The following HOXA3 variants were observed in gnomAD, a reference collection of about 807,000 sequenced individuals.
HOXA3 encodes the protein homeobox A3, also known as homeobox protein Hox-A3.
Under a neutral mutation model 30.3 loss-of-function variants are expected in HOXA3, and 8 were observed. That is an observed-to-expected ratio of 0.26 (90% CI 0.15 to 0.48). The LOEUF is 0.48. HOXA3 is among the 20% of genes least tolerant of loss of function. HOXA3 has a pLI of 0.99. For missense variants in HOXA3, 653 were observed against 614.4 expected, an observed-to-expected ratio of 1.06 and a Z score of -0.66; for synonymous variants, 323 against 273.1, an observed-to-expected ratio of 1.18 and a Z score of -1.80.
chr7:27,113,805 C>G lies in HOXA3; in HGVS notation c.-120-3045G>C, dbSNP rs1043859621. ...CGGTCACCGCCGCGCAGAGCGTGGCCGCCTCGCTGCTCCAGCACGGCTCGC... is the reference window on the plus strand; with the variant it reads ...CGGTCACCGCCGCGCAGAGCGTGGCGGCCTCGCTGCTCCAGCACGGCTCGC... On this transcript the variant is annotated intron_variant, in intron 4 of 5. Coordinates refer to ENST00000612286, the MANE Select transcript of HOXA3 (RefSeq NM_153631.3). This position sits in a 1 kb window ranked among gnomAD's most constrained non-coding sequence, Gnocchi z 4.8. 1 of 152,060 alleles carries G rather than the reference C, an allele frequency of 6.6e-6. No individual in the cohort carries two copies. The highest frequency in any genetic ancestry group is 1.5e-5 in the Non-Finnish European group (1 of 68,008). 9.4% of individuals were successfully genotyped at this position (152,060 alleles called of 1,614,324 possible). A position where few individuals can be genotyped will look rare whatever the true frequency, so the allele number is the denominator to read the frequency against.
At position 27,110,368 on chromosome 7, in the gene HOXA3, G is replaced by T. The variant is rs1377277486; in HGVS notation, c.273C>A (p.His91Gln). The T allele has an allele frequency of 1.3e-6, 2 of 1,514,542 alleles. No individual in the cohort carries two copies. Among genetic ancestry groups the T allele is most frequent in the Admixed American group, 4.2e-5 (2 of 48,018 alleles). The allele number at this position is 1,514,542 out of a possible 1,614,324, so 93.8% of individuals were successfully genotyped here. ...QPPSLGEPPLHPPPPQAAPPA... is the reference protein window; with the variant it reads ...QPPSLGEPPLQPPPPQAAPPA... ...GGGGCGCGGCCTGGGGCGGCGGCGG[G>T]TGCAGGGGCGGCTCTCCCAGGCTTG... Residue 91 changes from histidine to glutamine, a missense_variant, in exon 5 of 6, where the codon CAC (histidine) becomes CAA (glutamine). Physicochemically the swap from His to Gln is conservative, Grantham distance 24. Around this residue, in one of 3 missense-constraint regions of HOXA3, gnomAD observed 320 missense variants for 321.9 expected, o/e 0.99. Coordinates refer to ENST00000612286, the MANE Select transcript of HOXA3 (RefSeq NM_153631.3).
At chr7:27,146,874 T>C (rs999869908) in intron 1 of HOXA3, among the ~76,000 whole-genome samples, 19 of 152,204 alleles carry the variant, frequency 1.2e-4, no homozygotes, top group Admixed American at 1.2e-3. Context: ...CACCTCTCTG[T>C]ACGGGTTTCT....
chr7:27,130,267 C>G, intron 2 of HOXA3: 1 of 1,155,748 alleles, frequency 8.7e-7, no homozygotes, highest in South Asian at 3.9e-5. Flanking sequence ...CGCCTCGCAG[C>G]GCCGCGGGGC....
intron 1 of HOXA3, chr7:27,142,694 C>T: frequency 3.4e-6 from 1 of 291,282 alleles, no homozygotes; most frequent in East Asian, 6.0e-5. Context: ...CCGTGACAAG[C>T]CCGATTCACG....
chr7:27,138,231 A>T (rs1785772763), intron 2 of HOXA3, among the ~76,000 whole-genome samples: 1 of 152,200 alleles, frequency 6.6e-6, no homozygotes, highest in African/African-American at 2.4e-5. Flanking sequence ...TGACTTCAGG[A>T]TTCTTCACCT....
At chr7:27,146,055 C>T (rs766294697) in intron 1 of HOXA3, 2 of 968,110 alleles carry the variant, frequency 2.1e-6, no homozygotes, top group Non-Finnish European at 3.0e-6. Context: ...TGTCTGGGGC[C>T]CAAAGCATAC....
chr7:27,121,641 G>A (rs941281277), intron 4 of HOXA3, among the ~76,000 whole-genome samples: 3 of 152,138 alleles, frequency 2.0e-5, no homozygotes, highest in African/African-American at 4.8e-5. Flanking sequence ...CTATTTGGGA[G>A]CAAATTTAAG....
At position 27,146,571 on chromosome 7, in the gene HOXA3, T is replaced by C. The variant is rs184571487; in HGVS notation, c.-494+5717A>G. Among the ~76,000 whole-genome samples, 1,492 of 152,124 alleles carry C rather than the reference T, an allele frequency of 9.8e-3. 30 individuals are homozygous for C. The highest frequency in any genetic ancestry group is 0.019 in the Admixed American group (297 of 15,292). On this transcript the variant is annotated intron_variant, in intron 1 of 5. Transcript: ENST00000612286. ...GGAGTCTTTGGGATTCCCTGTGGAG[T>C]CCTTGGAAACCAGAGGCTAAGAGAT...
intron 1 of HOXA3, chr7:27,151,410 G>A (rs919522581): frequency 1.5e-5 from 5 of 339,332 alleles, no homozygotes; most frequent in African/African-American, 1.1e-4. Flanking sequence ...AGTCCGTTGC[G>A]CCAAGGTGGA....
chr7:27,116,876 T>C (rs538979970), intron 4 of HOXA3, among the ~76,000 whole-genome samples: 3 of 152,288 alleles, frequency 2.0e-5, no homozygotes, highest in East Asian at 3.9e-4. Context: ...AGGCCGGCAC[T>C]GGGGAGGGCA....
Position 27,110,105 on chromosome 7 carries a change from A to G in HOXA3, c.526+10T>C, listed in dbSNP as rs1478767866. On this transcript the variant is annotated intron_variant, in intron 5 of 5. Transcript: ENST00000612286. ...GCCAGAGGACCCTCTTCCAGAAGGC[A>G]CTCCTTTACCTGAGCTGGAGCTGCT... 8 of 1,613,800 alleles carry G rather than the reference A, an allele frequency of 5.0e-6. No homozygotes were observed. The East Asian group carries it at 1.1e-4, about 22-fold the overall frequency.
In HOXA3 at chr7:27,113,862, TCCCACCCAC is replaced by T. The variant is rs1165493718; in HGVS notation, c.-120-3111_-120-3103del. 2.0e-5 allele frequency: 2 copies of T among 99,994 alleles called. No homozygotes were observed. Among genetic ancestry groups the T allele is most frequent in the Non-Finnish European group, 4.5e-5 (2 of 44,258 alleles). The allele number at this position is 99,994 out of a possible 1,614,324, so 6.2% of individuals were successfully genotyped here. ...CCGACTGGGGCGGCTTGGACCCCCC[TCCCACCCAC>T]CCCACCCACCCACCCCTCCCCCACA... On this transcript the variant is annotated intron_variant, in intron 4 of 5. Coordinates refer to ENST00000612286, the MANE Select transcript of HOXA3 (RefSeq NM_153631.3). This position sits in a 1 kb window ranked among gnomAD's most constrained non-coding sequence, Gnocchi z 4.8.
intron 1 of HOXA3, chr7:27,145,326 G>A (rs1045241442): frequency 6.0e-6 from 2 of 330,754 alleles, no homozygotes; most frequent in Non-Finnish European, 1.1e-5. Flanking sequence ...ACTAGCACAG[G>A]AGCCCCAGAC....
At chr7:27,141,871 C>A in intron 1 of HOXA3, 1 of 1,614,234 alleles carries the variant, frequency 6.2e-7, no homozygotes, top group Non-Finnish European at 8.5e-7. Context: ...CGGCCATGCT[C>A]ATGCTTTTCA....
chr7:27,130,314 C>A, intron 2 of HOXA3: 1 of 1,061,978 alleles, frequency 9.4e-7, no homozygotes, highest in Non-Finnish European at 1.1e-6. Context: ...GGGGCGGCGG[C>A]AGCTGGGGCT....
intron 1 of HOXA3, chr7:27,151,530 C>A (rs1225254432): frequency 4.4e-6 from 2 of 454,194 alleles, no homozygotes; most frequent in East Asian, 1.4e-4. Context: ...CCGAAACTTC[C>A]CACCAAGTAA....
intron 2 of HOXA3, chr7:27,130,805 C>T (rs939047097): frequency 2.0e-5 from 29 of 1,452,006 alleles, no homozygotes; most frequent in Non-Finnish European, 2.6e-5. Context: ...AGGCCCCTCC[C>T]CCTCCTGCCT....
At position 27,110,441 on chromosome 7, in the gene HOXA3, A is replaced by G. The variant is rs747018825; in HGVS notation, c.200T>C (p.Leu67Pro). 1.3e-6 allele frequency: 2 copies of G among 1,579,156 alleles called. No individual in the cohort carries two copies. The highest frequency in any genetic ancestry group is 1.1e-5 in the South Asian group (1 of 87,888). Residue 67 changes from leucine (L) to proline (P), a missense_variant, in exon 5 of 6, where the codon CTG becomes CCG. Physicochemically the swap from Leu to Pro is moderately conservative, Grantham distance 98. Transcript: ENST00000612286. ...CAGGGTGCGCAGGCACGCCTCACTC[A>G]GTTCGTGTGCCTTGGGGTGGCCCCC... ...SAGGHPKAHE[L>P]SEACLRTLSA... is the part of the protein sequence containing the mutation.
chr7:27,130,770 G>A (rs1275003522), intron 2 of HOXA3: 2 of 1,578,008 alleles, frequency 1.3e-6, no homozygotes, highest in South Asian at 1.1e-5. Flanking sequence ...TTTTTCTCGC[G>A]TTGTCGTTTT....
Sources: allele counts gnomAD v4.1 joint callset (sites outside exome capture counted in the v4.1 genomes callset), GRCh38; gene constraint gnomAD v4.1.1; regional missense constraint gnomAD v4.1.1; non-coding constraint Gnocchi (gnomAD v3.1); transcripts MANE v1.5; gene names NCBI Gene and HGNC (gene_info 2026-07-23, HGNC 2026-07-21).